The following PSMB5 variants were observed in gnomAD, a reference collection of about 807,000 sequenced individuals.
The protein encoded by PSMB5 is proteasome subunit beta type-5.
In PSMB5, 2 loss-of-function variants were observed where a neutral mutation model predicts 22.8. That is an observed-to-expected ratio of 0.09 (90% CI 0.04 to 0.28). The LOEUF (loss-of-function observed/expected upper bound fraction) is 0.28. Ranked by LOEUF, PSMB5 falls within the 10% of genes least tolerant of loss-of-function variation. The pLI, the probability that PSMB5 is intolerant of heterozygous loss-of-function variation, is 1.00. For missense variants in PSMB5, 269 were observed against 343.8 expected (o/e 0.78, Z 1.72); for synonymous variants, 133 against 135.3 (o/e 0.98, Z 0.12).
intron 2 of PSMB5, chr14:23,027,682 A>C: frequency 8.3e-7 from 1 of 1,205,100 alleles, no homozygotes; most frequent in Non-Finnish European, 1.2e-6. Context: ...AATAAAATTT[A>C]ATATTAAGAC....
rs1276122932 is a variant in PSMB5, at chr14:23,025,995, C to A, written c.*94G>T. 1 of 1,550,838 alleles carries A rather than the reference C, an allele frequency of 6.4e-7. No homozygotes were observed. The highest frequency in any genetic ancestry group is 8.7e-7 in the Non-Finnish European group (1 of 1,148,444). ...AAAAGTACTGATACAATTGAAGGCC[C>A]TTCCACTATAAATAGGATGGAGGAT... On this transcript the variant is annotated 3_prime_UTR_variant, in exon 3 of 3. Coordinates refer to ENST00000361611, the MANE Select transcript of PSMB5 (RefSeq NM_002797.5).
upstream of PSMB5, chr14:23,035,100 A>G: frequency 2.3e-6 from 2 of 863,756 alleles, no homozygotes; most frequent in South Asian, 4.0e-5. Flanking sequence ...CTTAAATTCT[A>G]AAAGGACGTA....
chr14:23,035,098 C>G (rs1594717063), upstream of PSMB5: 1 of 889,282 alleles, frequency 1.1e-6, no homozygotes, highest in East Asian at 2.9e-5. Flanking sequence ...ACCTTAAATT[C>G]TAAAAGGACG....
intron 1 of PSMB5, chr14:23,034,424 G>A (rs932303850): frequency 6.7e-6 from 3 of 449,588 alleles, no homozygotes; most frequent in African/African-American, 4.0e-5. Flanking sequence ...GCAGCAACCT[G>A]GGGTCGCCTA....
intron 2 of PSMB5, among the ~76,000 whole-genome samples, chr14:23,029,148 T>A (rs770567900): frequency 7.2e-5 from 11 of 152,128 alleles, no homozygotes; most frequent in Non-Finnish European, 1.2e-4. Flanking sequence ...GTCCCCCAGG[T>A]GATTTTAATG....
intron 2 of PSMB5, among the ~76,000 whole-genome samples, chr14:23,029,328 TC>T (rs1476987490): frequency 6.6e-6 from 1 of 152,140 alleles, no homozygotes; most frequent in African/African-American, 2.4e-5. Context: ...GGCTCACTAT[TC>T]CCCTTCACCC....
In PSMB5 at chr14:23,026,200, G is replaced by C; in HGVS notation, c.681C>G (p.Ala227=). The change falls in exon 3 of 3, where the codon GCC becomes GCG. Residue 227 remains alanine (A), a synonymous_variant. Coordinates refer to ENST00000361611, the MANE Select transcript of PSMB5 (RefSeq NM_002797.5). The stretch of plus-strand genomic sequence containing the variant: ...AGAGGTTGACTGCACCTCCTGAGTA[G>C]GCATCTCTGTAGGTGGCTTGGTAGA... ...RAIYQATYRD[A]YSGGAVNLYH... is the part of the protein sequence containing the mutation. 1 of 1,614,108 alleles carries C rather than the reference G, an allele frequency of 6.2e-7. No homozygotes were observed. Among genetic ancestry groups the C allele is most frequent in the Non-Finnish European group, 8.5e-7 (1 of 1,180,014 alleles).
At chr14:23,029,693 G>A (rs2046939501) in intron 2 of PSMB5, among the ~76,000 whole-genome samples, 3 of 152,120 alleles carry the variant, frequency 2.0e-5, no homozygotes, top group Admixed American at 1.3e-4. Context: ...TGGGATTACA[G>A]GCATGCACCT....
At chr14:23,027,279 G>A (rs532109753) in intron 2 of PSMB5, among the ~76,000 whole-genome samples, 3 of 150,778 alleles carry the variant, frequency 2.0e-5, no homozygotes, top group South Asian at 4.2e-4. Context: ...TACTCAGGAG[G>A]CTGAGGCAGG....
intron 1 of PSMB5, among the ~76,000 whole-genome samples, chr14:23,033,885 T>C (rs1048661456): frequency 6.0e-4 from 92 of 152,338 alleles, no homozygotes; most frequent in African/African-American, 2.1e-3. Flanking sequence ...AAATTCATTT[T>C]ATAGGATGGG....
rs534572698 is a variant in PSMB5 at position 23,031,906 on chromosome 14, T to C, written c.505+1462A>G. Among the ~76,000 whole-genome samples the C allele has an allele frequency of 3.9e-5, 6 of 152,190 alleles. No homozygotes were observed. The East Asian group carries it at 1.2e-3, about 29-fold the overall frequency. ...GAGTTCAAGACCAGCCTGGCCAACATGGTGAAACCCTGTCTCTACTAAAAA... is the reference window on the plus strand; with the variant it reads ...GAGTTCAAGACCAGCCTGGCCAACACGGTGAAACCCTGTCTCTACTAAAAA... On this transcript the variant is annotated intron_variant, in intron 2 of 2. Coordinates refer to ENST00000361611, the MANE Select transcript of PSMB5 (RefSeq NM_002797.5).
At chr14:23,029,975 G>T (rs2046941419) in intron 2 of PSMB5, among the ~76,000 whole-genome samples, 1 of 151,890 alleles carries the variant, frequency 6.6e-6, no homozygotes, top group African/African-American at 2.4e-5. Flanking sequence ...TAGAGATGGG[G>T]TTTCACCGTG....
intron 2 of PSMB5, among the ~76,000 whole-genome samples, chr14:23,030,350 G>A (rs993765171): frequency 6.6e-6 from 1 of 152,092 alleles, no homozygotes; most frequent in Middle Eastern, 3.4e-3. Flanking sequence ...TTAGCCGGGC[G>A]TGGTGGCGGG....
At position 23,026,385 on chromosome 14, in the gene PSMB5, G is replaced by A. The variant is rs2139910688; in HGVS notation, c.506-10C>T. The A allele has an allele frequency of 6.2e-7, 1 of 1,609,008 alleles. No individual in the cohort carries two copies. The highest frequency in any genetic ancestry group is 8.5e-7 in the Non-Finnish European group (1 of 1,177,312). ...TCCACGTAGTAGAGGCCTGGAAAGG[G>A]AGATGAGGTTAGCAGGAAAAAAAAA... On this transcript the variant is annotated splice_polypyrimidine_tract_variant and intron_variant, in intron 2 of 2. Transcript: ENST00000361611.
chr14:23,032,252 C>G (rs2046958145), intron 2 of PSMB5, among the ~76,000 whole-genome samples: 1 of 151,882 alleles, frequency 6.6e-6, no homozygotes, highest in African/African-American at 2.4e-5. Context: ...CGAGACCAGC[C>G]TGGCCAACAT....
intron 2 of PSMB5, among the ~76,000 whole-genome samples, chr14:23,026,662 C>A (rs1160869903): frequency 6.6e-6 from 1 of 151,230 alleles, no homozygotes; most frequent in South Asian, 2.1e-4. Context: ...GTTGGTCAGG[C>A]TGGTCTTGAA....
chr14:23,034,495 CT>C, intron 1 of PSMB5, 188 bp downstream of exon 1: 1 of 685,398 alleles, frequency 1.5e-6, no homozygotes, highest in Non-Finnish European at 2.4e-6. Flanking sequence ...CACCGCCACC[CT>C]TTCCAACCAG....
rs1338961021 is a variant in PSMB5, at chr14:23,034,484, C to T, written c.198+200G>A. 3 of 634,486 alleles carry T rather than the reference C, an allele frequency of 4.7e-6. No individual in the cohort carries two copies. In the African/African-American group the frequency reaches 5.5e-5, roughly 12 times the overall value. 39.3% of individuals were successfully genotyped at this position (634,486 alleles called of 1,614,324 possible). On this transcript the variant is annotated intron_variant, in intron 1 of 2. Coordinates refer to ENST00000361611, the MANE Select transcript of PSMB5 (RefSeq NM_002797.5). ...TTCCTCCCCCGACTTACCCCCGGCC[C>T]CACCGCCACCCTTTCCAACCAGAGC...
At position 23,034,833 on chromosome 14, in the gene PSMB5, C is replaced by T; in HGVS notation, c.49G>A (p.Gly17Arg). Residue 17 changes from glycine to arginine, a missense_variant, in exon 1 of 3, where the codon GGG (glycine) becomes AGG (arginine). By Grantham distance (125) the Gly-to-Arg change is moderately radical. Around this residue, in one of 3 missense-constraint regions of PSMB5, gnomAD observed 81 missense variants for 70.4 expected, o/e 1.15. Transcript: ENST00000361611. Reference protein sequence around the residue: ...LERPLPVNQRGFFGLGGRADL... With the variant: ...LERPLPVNQRRFFGLGGRADL... ...GCACGACCCCCAAGTCCGAAAAACC[C>T]GCGCTGGTTCACCGGTAGCGGTCTC... 1.9e-6 allele frequency: 3 copies of T among 1,614,230 alleles called. No homozygotes were observed. The highest frequency in any genetic ancestry group is 2.5e-6 in the Non-Finnish European group (3 of 1,180,042).
Sources: gnomAD v4.1 joint callset for allele counts (sites outside exome capture counted in the v4.1 genomes callset) on GRCh38, gnomAD v4.1.1 for gene constraint, gnomAD v4.1.1 regional missense constraint, MANE v1.5 for transcripts, NCBI Gene and HGNC (gene_info 2026-07-23, HGNC 2026-07-21) for gene names.